Variants in PPM1L observed in about 807,000 individuals in gnomAD.
PPM1L encodes protein phosphatase, Mg2+/Mn2+ dependent 1L.
PPM1L carries 13 observed loss-of-function variants against 31.4 expected under a neutral mutation model. The ratio of observed to expected loss-of-function variants is 0.41; its 90% confidence interval spans 0.27 to 0.66. The LOEUF (loss-of-function observed/expected upper bound fraction) is 0.66. Ranked by LOEUF, PPM1L falls within the 30% of genes least tolerant of loss-of-function variation. The pLI is 0.29. For missense variants in PPM1L, 326 were observed against 453.7 expected (o/e 0.72, Z 2.56); for synonymous variants, 184 against 175.4 (o/e 1.05, Z -0.39).
intron 1 of PPM1L, among the ~76,000 whole-genome samples, chr3:160,914,477 C>A (rs1179854323): frequency 7.0e-6 from 1 of 143,514 alleles, no homozygotes; most frequent in Non-Finnish European, 1.5e-5. Flanking sequence ...GTGTGACGTT[C>A]CCTTTCCTGT....
chr3:160,916,174 A>G (rs1033857235), intron 1 of PPM1L, among the ~76,000 whole-genome samples: 1 of 152,310 alleles, frequency 6.6e-6, no homozygotes, highest in Middle Eastern at 3.4e-3. Flanking sequence ...ACAAAGGGCT[A>G]ATATCCAGAA....
intron 1 of PPM1L, among the ~76,000 whole-genome samples, chr3:160,952,587 G>T (rs989505544): frequency 2.6e-5 from 4 of 152,138 alleles, no homozygotes; most frequent in Admixed American, 6.5e-5. Context: ...GTCTTCCTCA[G>T]TGCCAAAGTC....
chr3:161,062,465 AC>A (rs762975688), intron 2 of PPM1L, among the ~76,000 whole-genome samples: 85 of 151,888 alleles, frequency 5.6e-4, no homozygotes, highest in Non-Finnish European at 9.6e-4. Context: ...CCTATCACCT[AC>A]CCTCTATCCC....
In PPM1L at chr3:161,021,482, G is replaced by A. The variant is rs547554295; in HGVS notation, c.575-43921G>A. Among the ~76,000 whole-genome samples the A allele has an allele frequency of 5.9e-5, 9 of 152,146 alleles. No homozygotes were observed. The South Asian group carries it at 1.7e-3, about 28-fold the overall frequency. On this transcript the variant is annotated intron_variant, in intron 2 of 3. Transcript: ENST00000498165. ...TGTCCTGTGTATACCTGATAAGAATGTATAATCTGTCTTTATTGGGTGGAG... is the reference window on the plus strand; with the variant it reads ...TGTCCTGTGTATACCTGATAAGAATATATAATCTGTCTTTATTGGGTGGAG...
At chr3:160,757,647 G>A (rs1335603126) in intron 1 of PPM1L, among the ~76,000 whole-genome samples, 1 of 152,240 alleles carries the variant, frequency 6.6e-6, no homozygotes, top group Non-Finnish European at 1.5e-5. Flanking sequence ...CTAGCGCCAT[G>A]CTCCAAAGAA....
chr3:160,930,537 G>A (rs754786425), intron 1 of PPM1L, among the ~76,000 whole-genome samples: 4 of 152,068 alleles, frequency 2.6e-5, no homozygotes, highest in African/African-American at 4.8e-5. Context: ...ACCGAATTCC[G>A]GTTTAGCTGC....
At chr3:161,023,554 A>G (rs1718297428) in intron 2 of PPM1L, among the ~76,000 whole-genome samples, 1 of 152,116 alleles carries the variant, frequency 6.6e-6, no homozygotes. Flanking sequence ...TTCATTTACT[A>G]CGCAAATATA....
intron 1 of PPM1L, among the ~76,000 whole-genome samples, chr3:160,801,942 C>T (rs1371985201): frequency 2.0e-5 from 3 of 152,092 alleles, no homozygotes; most frequent in Non-Finnish European, 2.9e-5. Context: ...CCTAATCTGC[C>T]GCAGAGCTAT....
intron 1 of PPM1L, among the ~76,000 whole-genome samples, chr3:160,851,841 G>A (rs946528686): frequency 3.9e-5 from 6 of 152,150 alleles, no homozygotes; most frequent in African/African-American, 9.7e-5. Flanking sequence ...GACCCTTTCC[G>A]AAGCCTGTAT....
chr3:160,852,506 A>T (rs932939223), intron 1 of PPM1L, among the ~76,000 whole-genome samples: 8 of 152,196 alleles, frequency 5.3e-5, no homozygotes, highest in Non-Finnish European at 8.8e-5. Flanking sequence ...TGAATAATTT[A>T]TTGATTCAGG....
At chr3:161,033,933 A>G (rs569332546) in intron 2 of PPM1L, among the ~76,000 whole-genome samples, 2 of 152,340 alleles carry the variant, frequency 1.3e-5, no homozygotes, top group African/African-American at 4.8e-5. Flanking sequence ...AAATTTTTGC[A>G]ATCTGTCCAT....
chr3:161,029,984 G>A (rs183229646), intron 2 of PPM1L, among the ~76,000 whole-genome samples: 31 of 152,298 alleles, frequency 2.0e-4, no homozygotes, highest in Admixed American at 1.0e-3. Flanking sequence ...GCACAAGCTG[G>A]CCCATGGAAA....
At chr3:160,997,083 G>A (rs754275900) in intron 2 of PPM1L, among the ~76,000 whole-genome samples, 2 of 152,160 alleles carry the variant, frequency 1.3e-5, no homozygotes, top group African/African-American at 4.8e-5. Context: ...CCAAATACCA[G>A]TGTGAATGAT....
chr3:160,766,229 T>C (rs28754816), intron 1 of PPM1L, among the ~76,000 whole-genome samples: 2,514 of 132,400 alleles, frequency 0.019, 65 homozygotes, highest in African/African-American at 0.074. Flanking sequence ...AACTAATATA[T>C]TTTCAATAAA....
At chr3:160,958,974 T>C (rs1715867088) in intron 1 of PPM1L, among the ~76,000 whole-genome samples, 1 of 152,132 alleles carries the variant, frequency 6.6e-6, no homozygotes, top group Non-Finnish European at 1.5e-5. Flanking sequence ...AATAAGTTAT[T>C]ATATAAAAAA....
At chr3:160,907,452 T>G (rs570511859) in intron 1 of PPM1L, among the ~76,000 whole-genome samples, 2 of 152,336 alleles carry the variant, frequency 1.3e-5, no homozygotes, top group African/African-American at 4.8e-5. Flanking sequence ...CATAACATTA[T>G]TTTTAAAAAT....
rs997178019 is a variant in PPM1L, at chr3:161,022,397, CAAAT to C, written c.575-43003_575-43000del. 16 of 366,622 alleles carry C rather than the reference CAAAT, an allele frequency of 4.4e-5. No individual in the cohort carries two copies. In the South Asian group the frequency reaches 6.4e-4, roughly 15 times the overall value. The allele number at this position is 366,622 out of a possible 1,614,324, so 22.7% of individuals were successfully genotyped here. On this transcript the variant is annotated intron_variant, in intron 2 of 3. Coordinates refer to ENST00000498165, the MANE Select transcript of PPM1L (RefSeq NM_139245.4). ...TTTTAAATTAGAAGAAAAAAGTTAA[CAAAT>C]AAGATCAAATTAGAACAAAATATAA...
At chr3:161,063,231 AC>A (rs1298016148) in intron 2 of PPM1L, among the ~76,000 whole-genome samples, 7 of 152,174 alleles carry the variant, frequency 4.6e-5, no homozygotes, top group Admixed American at 2.6e-4. Context: ...AAAATCAAAA[AC>A]TGGTAACAAC....
At chr3:160,974,381 A>G (rs1351893221) in intron 2 of PPM1L, among the ~76,000 whole-genome samples, 4 of 152,102 alleles carry the variant, frequency 2.6e-5, no homozygotes, top group Non-Finnish European at 4.4e-5. Context: ...GTGTGGGTGT[A>G]TATCCAGTAA....
Sources: allele counts gnomAD v4.1 joint callset (sites outside exome capture counted in the v4.1 genomes callset), GRCh38; gene constraint gnomAD v4.1.1; transcripts MANE v1.5; gene names NCBI Gene and HGNC (gene_info 2026-07-23, HGNC 2026-07-21).